Variants in UVRAG observed in about 807,000 individuals in gnomAD.
UVRAG encodes the protein UV radiation resistance associated, also known as UV radiation resistance-associated gene protein.
In UVRAG, 19 loss-of-function variants were observed where a neutral mutation model predicts 78.0. The ratio of observed to expected loss-of-function variants is 0.24; its 90% confidence interval spans 0.17 to 0.36. UVRAG has a LOEUF of 0.36. UVRAG is among the 10% of genes least tolerant of loss of function. The probability of loss-of-function intolerance (pLI) is 1.00; values close to 1 mark genes in which losing one functional copy is unlikely to be tolerated. For missense variants in UVRAG, 740 were observed against 853.8 expected (o/e 0.87, Z 1.66); for synonymous variants, 323 against 324.6 (o/e 1.00, Z 0.05).
chr11:75,954,392 A>G (rs1008188901), intron 6 of UVRAG, among the ~76,000 whole-genome samples: 2 of 152,126 alleles, frequency 1.3e-5, no homozygotes, highest in African/African-American at 4.8e-5. Flanking sequence ...GCCCTTTCCT[A>G]CTTTTAAAGT....
intron 12 of UVRAG, among the ~76,000 whole-genome samples, chr11:76,022,053 C>CA (rs904466723): frequency 5.5e-4 from 78 of 141,566 alleles, no homozygotes; most frequent in Admixed American, 8.4e-4. Flanking sequence ...GACCCTGTCT[C>CA]AAAAAAAAAA....
intron 13 of UVRAG, among the ~76,000 whole-genome samples, chr11:76,080,189 A>G (rs925071920): frequency 6.6e-6 from 1 of 152,214 alleles, no homozygotes; most frequent in East Asian, 1.9e-4. Context: ...CCAAATTTCA[A>G]CATGAGGTTT....
chr11:76,124,097 C>T (rs1952340713), intron 14 of UVRAG, among the ~76,000 whole-genome samples: 1 of 152,200 alleles, frequency 6.6e-6, no homozygotes, highest in Admixed American at 6.5e-5. Context: ...TTAATACCAC[C>T]AGTTATTGGG....
intron 8 of UVRAG, among the ~76,000 whole-genome samples, chr11:76,003,288 T>TG (rs1949857965): frequency 4.8e-5 from 3 of 62,472 alleles, no homozygotes; most frequent in African/African-American, 1.8e-4. Flanking sequence ...TTTTTTTTTT[T>TG]GGAGACAGAG....
At chr11:76,046,176 A>G (rs188148480) in intron 12 of UVRAG, among the ~76,000 whole-genome samples, 1 of 152,348 alleles carries the variant, frequency 6.6e-6, no homozygotes. Context: ...AAAAGGGTAG[A>G]AAAAAGACTT....
chr11:75,962,254 TA>T (rs760572315), intron 7 of UVRAG, among the ~76,000 whole-genome samples: 3 of 152,106 alleles, frequency 2.0e-5, no homozygotes, highest in Non-Finnish European at 4.4e-5. Flanking sequence ...TAAAATTATT[TA>T]AATATTTGTT....
chr11:75,891,871 G>T (rs1947219242), intron 5 of UVRAG, among the ~76,000 whole-genome samples: 2 of 152,012 alleles, frequency 1.3e-5, no homozygotes, highest in Non-Finnish European at 1.5e-5. Flanking sequence ...CCCTGATGGC[G>T]CCACTTCACT....
Position 75,877,582 on chromosome 11 carries a change from G to A in UVRAG, c.271-2297G>A, listed in dbSNP as rs192957433. 5.8e-3 allele frequency among the ~76,000 whole-genome samples: 835 copies of A among 143,984 alleles called. 16 individuals carry two copies. Among genetic ancestry groups the A allele is most frequent in the African/African-American group, 0.021 (796 of 38,160 alleles). 94.5% of individuals were successfully genotyped at this position (143,984 alleles called of 152,430 possible). ...GGCTGACCCCCCCCACCTCCCTCCC[G>A]TACGGGTCGGCTGGCCGGGCGGGGG... On this transcript the variant is annotated intron_variant, in intron 3 of 14. Coordinates refer to ENST00000356136, the MANE Select transcript of UVRAG (RefSeq NM_003369.4).
At chr11:75,843,665 A>C (rs907625089) in intron 1 of UVRAG, among the ~76,000 whole-genome samples, 4 of 152,172 alleles carry the variant, frequency 2.6e-5, no homozygotes, top group African/African-American at 9.7e-5. Context: ...AGTAGGGGCA[A>C]AAAAGAACTC....
rs150100474 is a variant in UVRAG, at chr11:75,992,829, A to G, written c.826+9316A>G. ...AGTTAAAATATTTTGAAAGCACCAT[A>G]GTCACTGGTATTTGCTCAACGAAGG... On this transcript the variant is annotated intron_variant, in intron 8 of 14. Transcript: ENST00000356136. Among the ~76,000 whole-genome samples, 700 of 152,306 alleles carry G rather than the reference A, an allele frequency of 4.6e-3. 2 individuals are homozygous for G. Among genetic ancestry groups the G allele is most frequent in the South Asian group, 0.012 (58 of 4,826 alleles).
chr11:76,051,255 T>G (rs550297658), intron 12 of UVRAG, among the ~76,000 whole-genome samples: 11 of 143,196 alleles, frequency 7.7e-5, no homozygotes, highest in Middle Eastern at 3.7e-3. Flanking sequence ...GGATTTGGTG[T>G]TTTTTTTTTT....
chr11:75,817,769 C>T (rs1300395833), intron 1 of UVRAG, among the ~76,000 whole-genome samples: 2 of 151,778 alleles, frequency 1.3e-5, no homozygotes, highest in Non-Finnish European at 2.9e-5. Flanking sequence ...TTTGGCTGGG[C>T]GCAGTGGCTC....
intron 7 of UVRAG, among the ~76,000 whole-genome samples, chr11:75,982,725 A>G (rs1171190230): frequency 7.9e-5 from 12 of 152,218 alleles, no homozygotes; most frequent in African/African-American, 2.4e-5. Context: ...GGATTTGCCT[A>G]TTCTGGACAT....
At chr11:75,830,301 T>G (rs1281900146) in intron 1 of UVRAG, among the ~76,000 whole-genome samples, 1 of 151,800 alleles carries the variant, frequency 6.6e-6, no homozygotes, top group Admixed American at 6.6e-5. Flanking sequence ...TGAGACAGTC[T>G]CGCTTTCGGC....
chr11:75,889,013 A>G (rs1347577136), intron 5 of UVRAG, 110 bp downstream of exon 5: 1 of 899,034 alleles, frequency 1.1e-6, no homozygotes, highest in Non-Finnish European at 1.6e-6. Flanking sequence ...TCATGCTTTA[A>G]ATTTGTTGCT....
intron 2 of UVRAG, among the ~76,000 whole-genome samples, chr11:75,857,497 C>CT (rs1555075376): frequency 1.6e-3 from 235 of 147,728 alleles, no homozygotes; most frequent in African/African-American, 4.8e-3. Flanking sequence ...TTCCCCCCCC[C>CT]TTTTTTTTTT....
chr11:75,890,253 G>A (rs1947187020), intron 5 of UVRAG, among the ~76,000 whole-genome samples: 1 of 152,252 alleles, frequency 6.6e-6, no homozygotes, highest in African/African-American at 2.4e-5. Context: ...CATTCTGGCT[G>A]CAGTAGAGAC....
chr11:75,846,984 C>G (rs755664433), intron 1 of UVRAG, among the ~76,000 whole-genome samples: 1 of 146,680 alleles, frequency 6.8e-6, no homozygotes, highest in Non-Finnish European at 1.5e-5. Flanking sequence ...CCACCACGCC[C>G]GGCTAATTTT....
At chr11:76,059,599 A>T (rs1951044291) in intron 12 of UVRAG, among the ~76,000 whole-genome samples, 2 of 152,178 alleles carry the variant, frequency 1.3e-5, no homozygotes, top group Admixed American at 1.3e-4. Context: ...AGAGATGCTG[A>T]CCTTTCTAAA....
Sources: allele counts gnomAD v4.1 joint callset (sites outside exome capture counted in the v4.1 genomes callset), GRCh38; gene constraint gnomAD v4.1.1; transcripts MANE v1.5; gene names NCBI Gene and HGNC (gene_info 2026-07-23, HGNC 2026-07-21).